Variants in LRRC52 observed in about 807,000 individuals in gnomAD.
LRRC52 encodes the protein leucine rich repeat containing 52, also known as leucine-rich repeat-containing protein 52.
A neutral mutation model predicts 14.7 loss-of-function variants in LRRC52; 15 were observed. The observed-to-expected ratio is 1.02, with a 90% CI of 0.68 to 1.58. The LOEUF (loss-of-function observed/expected upper bound fraction) is 1.58, where lower values mean the gene tolerates loss of function less well. Among genes scored for constraint, LRRC52 ranks in the 40% most tolerant of loss-of-function variants. LRRC52 has a pLI of 0.00. For synonymous variants in LRRC52, 180 were observed against 163.9 expected, an observed-to-expected ratio of 1.10 and a Z score of -0.75; for missense variants, 400 against 387.7, an observed-to-expected ratio of 1.03 and a Z score of -0.27.
intron 1 of LRRC52, among the ~76,000 whole-genome samples, chr1:165,547,244 A>G (rs1271364911): frequency 2.6e-5 from 4 of 152,182 alleles, no homozygotes; most frequent in African/African-American, 9.7e-5. Flanking sequence ...ACAAGACTAT[A>G]CTATCTCGTA....
intron 1 of LRRC52, among the ~76,000 whole-genome samples, chr1:165,549,044 C>G (rs285436): frequency 9.9e-5 from 15 of 151,886 alleles, no homozygotes; most frequent in Non-Finnish European, 1.8e-4. Flanking sequence ...CTAATCCATA[C>G]AAAAATGGGG....
At chr1:165,547,403 T>G (rs1294160778) in intron 1 of LRRC52, among the ~76,000 whole-genome samples, 1 of 152,202 alleles carries the variant, frequency 6.6e-6, no homozygotes, top group Non-Finnish European at 1.5e-5. Flanking sequence ...TGAGATCATT[T>G]TCATTGGATA....
chr1:165,552,413 G>C (rs1169271941), intron 1 of LRRC52, among the ~76,000 whole-genome samples: 1 of 152,182 alleles, frequency 6.6e-6, no homozygotes, highest in Non-Finnish European at 1.5e-5. Context: ...GATGTGGCTA[G>C]AGAAAAGAAT....
chr1:165,547,232 C>T (rs540878696), intron 1 of LRRC52, among the ~76,000 whole-genome samples: 2 of 152,234 alleles, frequency 1.3e-5, no homozygotes, highest in Non-Finnish European at 2.9e-5. Context: ...AGGTCTTTTT[C>T]CACAAGACTA....
chr1:165,557,674 C>T (rs1661265735), intron 1 of LRRC52, among the ~76,000 whole-genome samples: 1 of 152,168 alleles, frequency 6.6e-6, no homozygotes, highest in South Asian at 2.1e-4. Flanking sequence ...CACTGTACAT[C>T]TAGTGATATT....
intron 1 of LRRC52, 125 bp downstream of exon 1, chr1:165,545,043 T>A: frequency 2.5e-6 from 3 of 1,214,072 alleles, no homozygotes; most frequent in Non-Finnish European, 2.3e-6. Context: ...TTCTTATTAC[T>A]CTGCAGGGCC....
Position 165,563,702 on chromosome 1 carries a change from C to T in LRRC52, c.820C>T (p.Gln274Ter), listed in dbSNP as rs371179896. 1 of 1,614,130 alleles carries T rather than the reference C, an allele frequency of 6.2e-7. No individual in the cohort carries two copies. The highest frequency in any genetic ancestry group is 8.5e-7 in the Non-Finnish European group (1 of 1,180,012). The change falls in exon 2 of 2, where the codon CAG (glutamine) becomes TAG (stop). Residue 274 changes from glutamine to a stop codon, truncating the protein, a stop_gained. Transcript: ENST00000294818. LOFTEE classifies it low-confidence loss of function (END_TRUNC). ...CACAGGTGTGTGTGCTGTGCTCTAC[C>T]AGAACACCCGCCACAAGTCGAGTGA... ...WLTGVCAVLY[Q>*]NTRHKSSEED...
chr1:165,547,263 A>G (rs149308189), intron 1 of LRRC52, among the ~76,000 whole-genome samples: 80 of 152,290 alleles, frequency 5.3e-4, no homozygotes, highest in African/African-American at 1.9e-3. Flanking sequence ...TAAATCCTCA[A>G]ATTACATAAC....
intron 1 of LRRC52, among the ~76,000 whole-genome samples, chr1:165,551,690 T>A (rs1209174484): frequency 1.3e-5 from 2 of 152,122 alleles, no homozygotes; most frequent in Non-Finnish European, 2.9e-5. Context: ...CTCAGGGCCA[T>A]CTGCAGGGAG....
At chr1:165,556,007 C>T (rs1180700171) in intron 1 of LRRC52, among the ~76,000 whole-genome samples, 3 of 152,378 alleles carry the variant, frequency 2.0e-5, no homozygotes, top group Middle Eastern at 3.4e-3. Flanking sequence ...CCCCACCATG[C>T]AGCTTGTTCC....
intron 1 of LRRC52, among the ~76,000 whole-genome samples, chr1:165,562,498 A>G (rs1661366026): frequency 6.6e-6 from 1 of 152,206 alleles, no homozygotes; most frequent in Non-Finnish European, 1.5e-5. Flanking sequence ...CTTGAGGCAC[A>G]ATCACCTGTG....
rs982026224 is a variant in LRRC52 at position 165,563,591 on chromosome 1, A to G, written c.709A>G (p.Ile237Val). 4.3e-6 allele frequency: 7 copies of G among 1,614,256 alleles called. No individual in the cohort carries two copies. Among genetic ancestry groups the G allele is most frequent in the Non-Finnish European group, 4.2e-6 (5 of 1,180,044 alleles). Residue 237 changes from isoleucine to valine, a missense_variant, in exon 2 of 2, where the codon ATC becomes GTC. Coordinates refer to ENST00000294818, the MANE Select transcript of LRRC52 (RefSeq NM_001005214.4). Reference sequence around the variant, plus strand: ...GGGGAACCCACTCCGATACATGTGCATCACGCACCTGGACCACAAAGACTA... The same window carrying G: ...GGGGAACCCACTCCGATACATGTGCGTCACGCACCTGGACCACAAAGACTA... Reference protein sequence around the residue: ...RVGNPLRYMCITHLDHKDYIF... With the variant: ...RVGNPLRYMCVTHLDHKDYIF...
chr1:165,544,200 A>T lies in LRRC52; in HGVS notation c.-97A>T. 7.7e-7 allele frequency: 1 copy of T among 1,306,716 alleles called. No individual in the cohort carries two copies. Among genetic ancestry groups the T allele is most frequent in the Non-Finnish European group, 1.1e-6 (1 of 948,482 alleles). 80.9% of individuals were successfully genotyped at this position (1,306,716 alleles called of 1,614,324 possible). On this transcript the variant is annotated 5_prime_UTR_variant, in exon 1 of 2. Coordinates refer to ENST00000294818, the MANE Select transcript of LRRC52 (RefSeq NM_001005214.4). ...AAGCTAAAGTGTTACAGTTCTTTCC[A>T]GAGCCCCTCCCCCGCCCCACCCCCC... is the stretch of plus-strand genomic sequence containing the variant.
At chr1:165,554,214 G>A (rs1461442197) in intron 1 of LRRC52, among the ~76,000 whole-genome samples, 2 of 152,152 alleles carry the variant, frequency 1.3e-5, no homozygotes, top group Non-Finnish European at 2.9e-5. Context: ...TGTCGTTGTT[G>A]TTACAAATTC....
intron 1 of LRRC52, among the ~76,000 whole-genome samples, chr1:165,545,573 G>A (rs963134056): frequency 1.5e-4 from 22 of 150,550 alleles, no homozygotes; most frequent in Non-Finnish European, 3.2e-4. Flanking sequence ...TGGAGAAAGG[G>A]TCCAGTGCTC....
chr1:165,548,100 G>A (rs577806857), intron 1 of LRRC52, among the ~76,000 whole-genome samples: 4 of 152,276 alleles, frequency 2.6e-5, no homozygotes, highest in Admixed American at 1.3e-4. Flanking sequence ...TCAGGAGATA[G>A]GAAGATTTCT....
intron 1 of LRRC52, among the ~76,000 whole-genome samples, chr1:165,556,616 G>T (rs999293975): frequency 2.0e-5 from 3 of 152,238 alleles, no homozygotes; most frequent in African/African-American, 7.2e-5. Context: ...GGATGGGAAA[G>T]CTGTGTTCCA....
intron 1 of LRRC52, among the ~76,000 whole-genome samples, chr1:165,551,236 G>T (rs1401441746): frequency 6.6e-6 from 1 of 152,104 alleles, no homozygotes; most frequent in Non-Finnish European, 1.5e-5. Flanking sequence ...TTTCCTCCCA[G>T]GCCAGACCTG....
rs1367856983 is a variant in LRRC52, at chr1:165,544,229, C to T, written c.-68C>T. ...CCCCTCCCCCGCCCCACCCCCCCAC[C>T]GGCAGCCTTCGGATCAGAGGACAGA... On this transcript the variant is annotated 5_prime_UTR_variant, in exon 1 of 2. Coordinates refer to ENST00000294818, the MANE Select transcript of LRRC52 (RefSeq NM_001005214.4). 1.2e-5 allele frequency: 17 copies of T among 1,476,456 alleles called. No homozygotes were observed. The highest frequency in any genetic ancestry group is 1.1e-4 in the South Asian group (8 of 75,146). 91.5% of individuals were successfully genotyped at this position (1,476,456 alleles called of 1,614,324 possible).
Sources: gnomAD v4.1 joint callset for allele counts (sites outside exome capture counted in the v4.1 genomes callset) on GRCh38, gnomAD v4.1.1 for gene constraint, MANE v1.5 for transcripts, NCBI Gene and HGNC (gene_info 2026-07-23, HGNC 2026-07-21) for gene names.